Variants in CEP85L observed in about 807,000 individuals in gnomAD.
The protein encoded by CEP85L is centrosomal protein of 85 kDa-like.
In CEP85L, 60 loss-of-function variants were observed where a neutral mutation model predicts 100.3. The observed-to-expected ratio is 0.60, with a 90% CI of 0.49 to 0.74. The LOEUF (loss-of-function observed/expected upper bound fraction) is 0.74. CEP85L is among the 30% of genes least tolerant of loss of function. The pLI is 0.00. For missense variants in CEP85L, 973 were observed against 936.2 expected, an observed-to-expected ratio of 1.04 and a Z score of -0.51; for synonymous variants, 319 against 322.7, an observed-to-expected ratio of 0.99 and a Z score of 0.12.
intron 5 of CEP85L, among the ~76,000 whole-genome samples, chr6:118,495,653 A>C (rs1245088544): frequency 6.6e-6 from 1 of 152,186 alleles, no homozygotes; most frequent in African/African-American, 2.4e-5. Flanking sequence ...ATCAGAACAG[A>C]CTAATACAAA....
At chr6:118,595,424 A>G (rs1301195135) in intron 2 of CEP85L, among the ~76,000 whole-genome samples, 1 of 152,168 alleles carries the variant, frequency 6.6e-6, no homozygotes, top group Non-Finnish European at 1.5e-5. Context: ...AAATTCCTCA[A>G]TGGTAAGTCT....
chr6:118,611,180 G>T (rs1333134294), intron 2 of CEP85L, among the ~76,000 whole-genome samples: 1 of 152,168 alleles, frequency 6.6e-6, no homozygotes, highest in Non-Finnish European at 1.5e-5. Context: ...GTTGGAAGTG[G>T]TTTTAAATGT....
At chr6:118,558,689 G>GGA (rs1339733111) in intron 3 of CEP85L, 11 of 308,568 alleles carry the variant, frequency 3.6e-5, no homozygotes, top group African/African-American at 5.9e-5. Flanking sequence ...AGAGAGAGAG[G>GGA]GAGAGAGACT....
At chr6:118,703,410 T>C (rs1464242709) in intron 1 of CEP85L, among the ~76,000 whole-genome samples, 4 of 152,210 alleles carry the variant, frequency 2.6e-5, no homozygotes, top group African/African-American at 7.2e-5. Context: ...TCAAACATTA[T>C]AGATAAAAGC....
At chr6:118,505,050 G>A (rs1349725696) in intron 5 of CEP85L, among the ~76,000 whole-genome samples, 1 of 152,026 alleles carries the variant, frequency 6.6e-6, no homozygotes, top group African/African-American at 2.4e-5. Context: ...GCATGTGTGG[G>A]GATATGGAGG....
intron 3 of CEP85L, among the ~76,000 whole-genome samples, chr6:118,563,649 C>T (rs2114988581): frequency 6.6e-6 from 1 of 152,200 alleles, no homozygotes; most frequent in South Asian, 2.1e-4. Flanking sequence ...CGGGGTCTGG[C>T]CATGTTGCCC....
At chr6:118,670,895 G>A (rs2115426304) in intron 1 of CEP85L, among the ~76,000 whole-genome samples, 1 of 151,990 alleles carries the variant, frequency 6.6e-6, no homozygotes, top group East Asian at 1.9e-4. Flanking sequence ...ACCATCAGCA[G>A]GACGACTTTT....
chr6:118,637,591 TG>T (rs1774581476), intron 1 of CEP85L, among the ~76,000 whole-genome samples: 1 of 150,272 alleles, frequency 6.7e-6, no homozygotes, highest in Non-Finnish European at 1.5e-5. Flanking sequence ...GGCACATGCC[TG>T]TAGTCTCAGC....
At chr6:118,539,910 TTA>T (rs1055287504) in intron 3 of CEP85L, among the ~76,000 whole-genome samples, 4 of 152,176 alleles carry the variant, frequency 2.6e-5, no homozygotes, top group African/African-American at 7.2e-5. Context: ...TTTTCTTCTT[TTA>T]TATGTTAAAA....
chr6:118,628,342 C>A (rs147063654), intron 2 of CEP85L, among the ~76,000 whole-genome samples: 1 of 151,766 alleles, frequency 6.6e-6, no homozygotes, highest in African/African-American at 2.4e-5. Context: ...TAATGTAAGC[C>A]GAGGGATAAA....
At chr6:118,663,710 T>G (rs1297701246) in intron 1 of CEP85L, among the ~76,000 whole-genome samples, 1 of 152,156 alleles carries the variant, frequency 6.6e-6, no homozygotes, top group Non-Finnish European at 1.5e-5. Context: ...AGGGATTGGT[T>G]CCAGGATCCC....
intron 2 of CEP85L, among the ~76,000 whole-genome samples, chr6:118,593,138 T>C (rs1781281574): frequency 6.6e-6 from 1 of 152,152 alleles, no homozygotes; most frequent in African/African-American, 2.4e-5. Context: ...CATATTGTCC[T>C]TCAAAATTAG....
intron 3 of CEP85L, among the ~76,000 whole-genome samples, chr6:118,529,953 G>A (rs950477811): frequency 1.3e-5 from 2 of 151,924 alleles, no homozygotes; most frequent in African/African-American, 4.8e-5. Flanking sequence ...CTATGTTCTT[G>A]CACAATACTG....
Position 118,703,004 on chromosome 6 carries a change from A to C in CEP85L, c.-28+7032T>G, listed in dbSNP as rs369294178. 5.7e-4 allele frequency among the ~76,000 whole-genome samples: 87 copies of C among 151,894 alleles called. 1 individual carries two copies. In the East Asian group the frequency reaches 0.016, roughly 28 times the overall value. ...AAGAGAGACTCTGTCTCAAAAAAAA[A>C]AAAAAAAAAAAGAGCTAGAGTTCAT... On this transcript the variant is annotated intron_variant, in intron 1 of 13. Coordinates refer to the CEP85L transcript ENST00000368488.
Position 118,505,312 on chromosome 6 carries a change from G to A in CEP85L, c.1257+5986C>T, listed in dbSNP as rs147866469. Among the ~76,000 whole-genome samples the A allele has an allele frequency of 1.6e-3, 237 of 146,810 alleles. 8 individuals carry two copies. The East Asian group carries it at 0.038, about 23-fold the overall frequency. ...AAAAATTAGCTGTGTGTGGTGACACGCGCCTGTAATCCCAGCTACTCAGGA... is the reference window on the plus strand; with the variant it reads ...AAAAATTAGCTGTGTGTGGTGACACACGCCTGTAATCCCAGCTACTCAGGA... On this transcript the variant is annotated intron_variant, in intron 5 of 12. Transcript: ENST00000368491.
chr6:118,566,281 G>A lies in CEP85L; in HGVS notation c.268C>T (p.Pro90Ser). ...STSSGTLSFK[P>S]SQSLITLPTA... ...GGAAGAGTAATCAATGATTGACTAG[G>A]CTTAAAAGATAATGTGCCACTTGAA... Residue 90 changes from proline (P) to serine (S), a missense_variant, in exon 3 of 13, where the codon CCT becomes TCT. This residue lies in a region of CEP85L where 890 missense variants were observed against 844.5 expected (regional missense o/e 1.05). Transcript: ENST00000368491. 6.2e-7 allele frequency: 1 copy of A among 1,613,754 alleles called. No individual in the cohort carries two copies. Among genetic ancestry groups the A allele is most frequent in the Non-Finnish European group, 8.5e-7 (1 of 1,179,896 alleles).
intron 3 of CEP85L, among the ~76,000 whole-genome samples, chr6:118,555,092 A>G (rs569736580): frequency 2.6e-5 from 4 of 152,312 alleles, no homozygotes; most frequent in African/African-American, 9.6e-5. Context: ...ACCAAGTCTA[A>G]TTATTATTCC....
At chr6:118,622,406 C>T (rs1242200781) in intron 2 of CEP85L, among the ~76,000 whole-genome samples, 1 of 152,218 alleles carries the variant, frequency 6.6e-6, no homozygotes, top group Non-Finnish European at 1.5e-5. Flanking sequence ...AATTATTGCC[C>T]AGACTTATGC....
At chr6:118,577,223 A>G (rs1345808358) in intron 2 of CEP85L, among the ~76,000 whole-genome samples, 2 of 152,190 alleles carry the variant, frequency 1.3e-5, no homozygotes, top group Admixed American at 6.5e-5. Flanking sequence ...TTCAACAGCT[A>G]ACCAATCAGT....
Sources: gnomAD v4.1 joint callset for allele counts (sites outside exome capture counted in the v4.1 genomes callset) on GRCh38, gnomAD v4.1.1 for gene constraint, gnomAD v4.1.1 regional missense constraint, MANE v1.5 for transcripts, NCBI Gene and HGNC (gene_info 2026-07-23, HGNC 2026-07-21) for gene names.